The following NIPAL2 variants were observed in gnomAD, a reference collection of about 807,000 sequenced individuals.
NIPAL2 encodes the protein NIPA-like protein 2.
A neutral mutation model predicts 48.9 loss-of-function variants in NIPAL2; 43 were observed. The ratio of observed to expected loss-of-function variants is 0.88; its 90% CI spans 0.69 to 1.13. The LOEUF is 1.13. Ranked by LOEUF, NIPAL2 falls within the 50% of genes most tolerant of loss-of-function variation. The pLI is 0.00. For missense variants in NIPAL2, 446 were observed against 461.4 expected, an observed-to-expected ratio of 0.97 and a Z score of 0.31; for synonymous variants, 167 against 174.6, an observed-to-expected ratio of 0.96 and a Z score of 0.34.
chr8:98,248,135 G>T (rs537864057), intron 3 of NIPAL2, among the ~76,000 whole-genome samples: 2 of 152,284 alleles, frequency 1.3e-5, no homozygotes, highest in East Asian at 3.9e-4. Flanking sequence ...ACCGTGTTTT[G>T]GTAGGGAATA....
At chr8:98,248,964 G>A (rs1381010397) in intron 3 of NIPAL2, among the ~76,000 whole-genome samples, 4 of 152,158 alleles carry the variant, frequency 2.6e-5, no homozygotes, top group Non-Finnish European at 5.9e-5. Context: ...AAGCATAGAC[G>A]GGTTATTTAG....
At chr8:98,245,120 C>T (rs1813241877) in intron 3 of NIPAL2, among the ~76,000 whole-genome samples, 1 of 152,144 alleles carries the variant, frequency 6.6e-6, no homozygotes, top group Admixed American at 6.5e-5. Context: ...AAATATCTGG[C>T]TTGTGGTTTC....
At chr8:98,292,314 G>A (rs1216347568) in intron 1 of NIPAL2, among the ~76,000 whole-genome samples, 3 of 152,152 alleles carry the variant, frequency 2.0e-5, no homozygotes, top group Non-Finnish European at 2.9e-5. Context: ...AATGCTTCTC[G>A]AGTAAACTTT....
In NIPAL2 at chr8:98,236,223, A is replaced by G. The variant is rs980759760; in HGVS notation, c.377-9T>C. On this transcript the variant is annotated splice_polypyrimidine_tract_variant and intron_variant, in intron 3 of 10. Transcript: ENST00000430223. ...AGAAATAATGGCACTACCTATAAAG[A>G]AAATGGCCATTAGTGGTAGTTCCAA... 7 of 1,592,906 alleles carry G rather than the reference A, an allele frequency of 4.4e-6. No individual in the cohort carries two copies. The South Asian group carries it at 4.5e-5, about 10-fold the overall frequency.
At chr8:98,240,106 A>G (rs145977443) in intron 3 of NIPAL2, among the ~76,000 whole-genome samples, 96 of 152,390 alleles carry the variant, frequency 6.3e-4, no homozygotes, top group Non-Finnish European at 9.7e-4. Flanking sequence ...GCATGAAAAC[A>G]GAACATAGCT....
At chr8:98,232,345 G>A (rs1424214625) in intron 4 of NIPAL2, among the ~76,000 whole-genome samples, 1 of 152,112 alleles carries the variant, frequency 6.6e-6, no homozygotes, top group Admixed American at 6.5e-5. Context: ...ATTAAGTTAG[G>A]TAGGAAAAAA....
chr8:98,222,920 A>G (rs1244265044), intron 4 of NIPAL2, among the ~76,000 whole-genome samples: 1 of 152,190 alleles, frequency 6.6e-6, no homozygotes, highest in Non-Finnish European at 1.5e-5. Context: ...GAAGACGTGA[A>G]AACACCTCCT....
At chr8:98,268,543 C>T (rs1007668480) in intron 1 of NIPAL2, among the ~76,000 whole-genome samples, 13 of 151,530 alleles carry the variant, frequency 8.6e-5, no homozygotes, top group Admixed American at 5.9e-4. Flanking sequence ...ATTGCTTGAA[C>T]CCGAGAGGTG....
intron 6 of NIPAL2, among the ~76,000 whole-genome samples, chr8:98,211,557 AG>A (rs1392435073): frequency 2.0e-5 from 3 of 152,348 alleles, no homozygotes; most frequent in Non-Finnish European, 4.4e-5. Flanking sequence ...ATACTGCCCC[AG>A]GGGTATGAGT....
chr8:98,274,879 G>C (rs967409299), intron 1 of NIPAL2, among the ~76,000 whole-genome samples: 1 of 151,978 alleles, frequency 6.6e-6, no homozygotes, highest in African/African-American at 2.4e-5. Context: ...TGTTAGAATT[G>C]GTTGAGTGTT....
intron 4 of NIPAL2, among the ~76,000 whole-genome samples, chr8:98,233,637 G>C (rs1812556976): frequency 6.6e-6 from 1 of 152,182 alleles, no homozygotes; most frequent in Non-Finnish European, 1.5e-5. Flanking sequence ...GTTTAATTTA[G>C]ATCCTTTAAT....
chr8:98,234,036 T>C (rs1301410653), intron 4 of NIPAL2, among the ~76,000 whole-genome samples: 2 of 152,164 alleles, frequency 1.3e-5, no homozygotes, highest in Non-Finnish European at 2.9e-5. Flanking sequence ...AGGAGACATT[T>C]TGGAATGTTT....
At chr8:98,194,196 A>C (rs995410599) in intron 10 of NIPAL2, among the ~76,000 whole-genome samples, 3 of 152,164 alleles carry the variant, frequency 2.0e-5, no homozygotes, top group Non-Finnish European at 4.4e-5. Context: ...TGTTGTCTAC[A>C]TGACTAGGCG....
chr8:98,246,875 A>G (rs990127179), intron 3 of NIPAL2, among the ~76,000 whole-genome samples: 2 of 152,050 alleles, frequency 1.3e-5, no homozygotes, highest in African/African-American at 4.8e-5. Flanking sequence ...CGCCCCATAG[A>G]CAAGTTAATT....
intron 6 of NIPAL2, among the ~76,000 whole-genome samples, chr8:98,208,683 A>G (rs1452501896): frequency 6.6e-6 from 1 of 152,072 alleles, no homozygotes; most frequent in Admixed American, 6.5e-5. Flanking sequence ...TCCTGACCTT[A>G]GGTGATCCAC....
intron 3 of NIPAL2, among the ~76,000 whole-genome samples, chr8:98,236,802 T>C (rs1219890731): frequency 7.8e-6 from 1 of 128,570 alleles, no homozygotes; most frequent in Non-Finnish European, 1.6e-5. Context: ...CAGTGAGCCA[T>C]GATGGCACCA....
At position 98,192,928 on chromosome 8, in the gene NIPAL2, T is replaced by C. The variant is rs1321393826; in HGVS notation, c.*50A>G. 1 of 1,170,604 alleles carries C rather than the reference T, an allele frequency of 8.5e-7. No individual in the cohort carries two copies. Among genetic ancestry groups the C allele is most frequent in the South Asian group, 1.2e-5 (1 of 82,024 alleles). 72.5% of individuals were successfully genotyped at this position (1,170,604 alleles called of 1,614,324 possible). On this transcript the variant is annotated 3_prime_UTR_variant, in exon 11 of 11. Transcript: ENST00000430223. Reference sequence around the variant, plus strand: ...GACACAAATTGAACATGTGCAATTTTTTAAAAAGGTGGTATCGAATAACAG... The same window carrying C: ...GACACAAATTGAACATGTGCAATTTCTTAAAAAGGTGGTATCGAATAACAG...
At chr8:98,266,127 T>G (rs1403653166) in intron 1 of NIPAL2, among the ~76,000 whole-genome samples, 1 of 97,162 alleles carries the variant, frequency 1.0e-5, no homozygotes, top group Non-Finnish European at 1.9e-5. Context: ...CTCTGGGGAC[T>G]GTTGTGGGGT....
intron 4 of NIPAL2, among the ~76,000 whole-genome samples, chr8:98,234,343 A>G (rs1176506957): frequency 6.6e-6 from 1 of 152,196 alleles, no homozygotes; most frequent in Non-Finnish European, 1.5e-5. Flanking sequence ...TATCACTAAT[A>G]TTCAAGATTA....
Sources: gnomAD v4.1 joint callset for allele counts (sites outside exome capture counted in the v4.1 genomes callset) on GRCh38, gnomAD v4.1.1 for gene constraint, MANE v1.5 for transcripts, NCBI Gene and HGNC (gene_info 2026-07-23, HGNC 2026-07-21) for gene names.